ME3: variants seen among roughly 807,000 people sequenced by gnomAD.
The protein encoded by ME3 is NADP-dependent malic enzyme, mitochondrial.
Under a neutral mutation model 68.9 loss-of-function variants are expected in ME3, and 48 were observed. That is an observed-to-expected ratio of 0.70 (90% CI 0.55 to 0.89). ME3 has a LOEUF of 0.89. Ranked by LOEUF, ME3 falls within the 40% of genes least tolerant of loss-of-function variation. The pLI, the probability that ME3 is intolerant of heterozygous loss-of-function variation, is 0.00. For synonymous variants in ME3, 320 were observed against 318.8 expected (o/e 1.00, Z -0.04); for missense variants, 675 against 797.4 (o/e 0.85, Z 1.85).
At chr11:86,481,524 C>T (rs1349537331) in intron 7 of ME3, among the ~76,000 whole-genome samples, 1 of 152,074 alleles carries the variant, frequency 6.6e-6, no homozygotes, top group East Asian at 1.9e-4. Flanking sequence ...ATTTAGGAAC[C>T]ATAGGTCAGT....
chr11:86,626,479 C>T (rs1453338296), intron 2 of ME3, among the ~76,000 whole-genome samples: 1 of 152,170 alleles, frequency 6.6e-6, no homozygotes, highest in Non-Finnish European at 1.5e-5. Context: ...CAGTTGGCAC[C>T]CTCTCCTCAG....
At chr11:86,452,929 A>T (rs1949711460) in intron 8 of ME3, among the ~76,000 whole-genome samples, 1 of 152,188 alleles carries the variant, frequency 6.6e-6, no homozygotes, top group South Asian at 2.1e-4. Flanking sequence ...AAAAGGTGAG[A>T]ATGTCTTCAT....
chr11:86,607,764 A>G (rs1961929893), intron 2 of ME3, among the ~76,000 whole-genome samples: 1 of 151,600 alleles, frequency 6.6e-6, no homozygotes, highest in South Asian at 2.1e-4. Context: ...GCAAAAGTTG[A>G]TCTCGCAGTG....
In ME3 at chr11:86,483,204, G is replaced by A. The variant is rs183441864; in HGVS notation, c.809+4133C>T. On this transcript the variant is annotated intron_variant, in intron 7 of 14. Transcript: ENST00000543262. ...TTGAACAGAAACCTTTAGGGTAGCC[G>A]TCCAAATGTAAAGGTAGAAACAAGT... Among the ~76,000 whole-genome samples the A allele has an allele frequency of 9.9e-5, 15 of 152,266 alleles. No homozygotes were observed. The East Asian group carries it at 1.5e-3, about 16-fold the overall frequency.
At chr11:86,586,938 G>C (rs1565175173) in intron 2 of ME3, among the ~76,000 whole-genome samples, 1 of 152,198 alleles carries the variant, frequency 6.6e-6, no homozygotes, top group Non-Finnish European at 1.5e-5. Flanking sequence ...AGGGAAACGT[G>C]TTCCTGAAAG....
At chr11:86,661,011 GT>G (rs1305988742) in intron 2 of ME3, among the ~76,000 whole-genome samples, 1 of 152,126 alleles carries the variant, frequency 6.6e-6, no homozygotes, top group Admixed American at 6.5e-5. Flanking sequence ...TCACCATATA[GT>G]TTCTGATACA....
rs1007780039 is a variant in ME3, at chr11:86,447,280, T to G, written c.1238-73A>C. On this transcript the variant is annotated intron_variant, in intron 11 of 14. Coordinates refer to ENST00000543262, the Ensembl canonical transcript of ME3. Reference sequence around the variant, plus strand: ...CCCATTCCTCTTCTGCTGGTGGTGGTGGGGGAACTAGGAATACCATGAAAG... The same window carrying G: ...CCCATTCCTCTTCTGCTGGTGGTGGGGGGGGAACTAGGAATACCATGAAAG... 7.1e-6 allele frequency: 11 copies of G among 1,560,198 alleles called. No individual in the cohort carries two copies. The South Asian group carries it at 8.4e-5, about 12-fold the overall frequency.
At chr11:86,642,536 A>G (rs1291662758) in intron 2 of ME3, among the ~76,000 whole-genome samples, 1 of 152,164 alleles carries the variant, frequency 6.6e-6, no homozygotes, top group Non-Finnish European at 1.5e-5. Flanking sequence ...TCACAATACA[A>G]TTCTTAAAAT....
At position 86,652,029 on chromosome 11, in the gene ME3, A is replaced by G. The variant is rs147580993; in HGVS notation, c.183+19733T>C. ...ATCAAATGAATGACATGAAGCAAGA[A>G]GAGAAGTTTAGAGAAAAAGGAATAA... is the stretch of plus-strand genomic sequence containing the variant. On this transcript the variant is annotated intron_variant, in intron 2 of 14. Transcript: ENST00000543262. Among the ~76,000 whole-genome samples the G allele has an allele frequency of 8.8e-3, 1,333 of 152,320 alleles. 27 individuals are homozygous for G. The highest frequency in any genetic ancestry group is 0.03 in the African/African-American group (1,246 of 41,560).
chr11:86,507,730 C>A (rs1953189565), intron 5 of ME3, among the ~76,000 whole-genome samples: 1 of 152,188 alleles, frequency 6.6e-6, no homozygotes, highest in African/African-American at 2.4e-5. Flanking sequence ...CGCCTGTAAT[C>A]CCAGAATTTT....
intron 2 of ME3, among the ~76,000 whole-genome samples, chr11:86,659,053 G>C (rs1946106898): frequency 6.6e-6 from 1 of 152,138 alleles, no homozygotes; most frequent in African/African-American, 2.4e-5. Context: ...TGAAGGCTAA[G>C]CTTTCTGTCA....
At chr11:86,556,725 A>C (rs375138385) in intron 3 of ME3, 23 bp from the exon 4 acceptor site, 114 of 1,612,142 alleles carry the variant, frequency 7.1e-5, no homozygotes, top group Non-Finnish European at 8.2e-5. Flanking sequence ...GAGAAAAAGC[A>C]AGCTGACATG....
At chr11:86,487,510 T>C in intron 6 of ME3, 70 bp from the exon 7 acceptor site, 1 of 1,237,454 alleles carries the variant, frequency 8.1e-7, no homozygotes. Flanking sequence ...CCAACAAGTA[T>C]CCAGGATTAT....
At chr11:86,535,751 G>A (rs963122076) in intron 4 of ME3, among the ~76,000 whole-genome samples, 1 of 152,078 alleles carries the variant, frequency 6.6e-6, no homozygotes, top group Non-Finnish European at 1.5e-5. Flanking sequence ...AATTTAACAT[G>A]CAATGCATTT....
intron 8 of ME3, chr11:86,462,714 TC>T: frequency 1.6e-6 from 1 of 634,330 alleles, no homozygotes; most frequent in Non-Finnish European, 2.6e-6. Flanking sequence ...GGTTCTTGCC[TC>T]CAGAAGCTTA....
At chr11:86,642,617 C>T (rs1421054812) in intron 2 of ME3, among the ~76,000 whole-genome samples, 1 of 152,134 alleles carries the variant, frequency 6.6e-6, no homozygotes. Flanking sequence ...GGGAATGGAT[C>T]CCTTAACCCT....
intron 12 of ME3, 181 bp downstream of exon 12, chr11:86,446,884 C>G: frequency 1.2e-6 from 1 of 814,122 alleles, no homozygotes. Flanking sequence ...TGGAGTCAGA[C>G]CTGGGTTTGA....
intron 4 of ME3, among the ~76,000 whole-genome samples, chr11:86,517,948 A>G (rs1234515718): frequency 6.6e-6 from 1 of 152,218 alleles, no homozygotes; most frequent in Non-Finnish European, 1.5e-5. Context: ...GTTTACTTCA[A>G]AGTATTTCTA....
intron 4 of ME3, among the ~76,000 whole-genome samples, chr11:86,526,067 A>C (rs894073948): frequency 3.9e-5 from 6 of 152,212 alleles, no homozygotes; most frequent in African/African-American, 1.4e-4. Context: ...AAGCAGGGCG[A>C]GGCATTGCCT....
Sources: allele counts gnomAD v4.1 joint callset (sites outside exome capture counted in the v4.1 genomes callset), GRCh38; gene constraint gnomAD v4.1.1; transcripts MANE v1.5; gene names NCBI Gene and HGNC (gene_info 2026-07-23, HGNC 2026-07-21).